ACYP2: variants seen among roughly 807,000 people sequenced by gnomAD.
The protein encoded by ACYP2 is acylphosphatase 2.
A neutral mutation model predicts 11.2 loss-of-function variants in ACYP2; 12 were observed. That is an observed-to-expected ratio of 1.08 (90% CI 0.69 to 1.74). The LOEUF (loss-of-function observed/expected upper bound fraction) is 1.74. ACYP2 is among the 40% of genes most tolerant of loss of function. The pLI, the probability that ACYP2 is intolerant of heterozygous loss-of-function variation, is 0.00. For synonymous variants in ACYP2, 43 were observed against 32.2 expected (o/e 1.33, Z -1.13); for missense variants, 134 against 101.9 (o/e 1.31, Z -1.35).
At chr2:54,138,510 A>AT (rs1384599466) in intron 5 of ACYP2, 129 bp from the exon 3 acceptor site, 2 of 633,520 alleles carry the variant, frequency 3.2e-6, no homozygotes, top group African/African-American at 3.7e-5. Flanking sequence ...TAGGTCATCT[A>AT]TACAATTGTT....
At chr2:54,219,631 G>GT (rs1490794193) in intron 6 of ACYP2, among the ~76,000 whole-genome samples, 1 of 151,472 alleles carries the variant, frequency 6.6e-6, no homozygotes, top group Admixed American at 6.6e-5. Flanking sequence ...TTTTTGTTTT[G>GT]TTTTTGAGAC....
intron 6 of ACYP2, among the ~76,000 whole-genome samples, chr2:54,272,496 T>C (rs1558659910): frequency 6.6e-6 from 1 of 152,228 alleles, no homozygotes; most frequent in Non-Finnish European, 1.5e-5. Flanking sequence ...AGGTAGTCTA[T>C]GTTCTTGTTT....
intron 6 of ACYP2, among the ~76,000 whole-genome samples, chr2:54,169,743 A>G (rs770325267): frequency 4.6e-5 from 7 of 152,164 alleles, no homozygotes; most frequent in Non-Finnish European, 7.3e-5. Flanking sequence ...TTTATTTTTC[A>G]ATAATTCTAA....
intron 5 of ACYP2, among the ~76,000 whole-genome samples, chr2:54,137,975 C>G (rs1436773104): frequency 6.6e-6 from 1 of 152,140 alleles, no homozygotes; most frequent in Non-Finnish European, 1.5e-5. Flanking sequence ...AATCGCCATT[C>G]TGACTGGTGT....
In ACYP2 at chr2:53,994,034, A is replaced by T. The variant is rs561830527; in HGVS notation, c.62+20224A>T. On this transcript the variant is annotated intron_variant, in intron 2 of 6. Transcript: ENST00000607452. ...CCCCGTCTCTACTAAAAATCGTACA[A>T]AATATTAGCCAGGCGGCTGGGCGTA... Among the ~76,000 whole-genome samples, 45 of 151,990 alleles carry T rather than the reference A, an allele frequency of 3.0e-4. 3 individuals are homozygous for T. In the South Asian group the frequency reaches 8.9e-3, roughly 30 times the overall value.
chr2:53,980,036 A>G (rs1299308901), intron 2 of ACYP2, among the ~76,000 whole-genome samples: 1 of 152,094 alleles, frequency 6.6e-6, no homozygotes, highest in East Asian at 1.9e-4. Context: ...CAAAAGAGTC[A>G]AAAAGTTAAA....
At chr2:54,219,541 AT>A (rs1223023774) in intron 6 of ACYP2, among the ~76,000 whole-genome samples, 1 of 152,176 alleles carries the variant, frequency 6.6e-6, no homozygotes, top group Non-Finnish European at 1.5e-5. Flanking sequence ...GTTTAAAAGA[AT>A]CATTCACAGA....
At chr2:54,003,321 G>T (rs573796924) in intron 2 of ACYP2, among the ~76,000 whole-genome samples, 1 of 151,620 alleles carries the variant, frequency 6.6e-6, no homozygotes, top group Admixed American at 6.6e-5. Context: ...GTGCAATGGC[G>T]TGATCTTGGC....
At chr2:54,008,615 C>G (rs1221729293) in intron 2 of ACYP2, among the ~76,000 whole-genome samples, 4 of 152,184 alleles carry the variant, frequency 2.6e-5, no homozygotes, top group Non-Finnish European at 4.4e-5. Context: ...CCACCTCAGA[C>G]TCCCAAGTAG....
chr2:54,088,746 A>G (rs2103677399), intron 4 of ACYP2, among the ~76,000 whole-genome samples: 1 of 152,320 alleles, frequency 6.6e-6, no homozygotes, highest in Admixed American at 6.5e-5. Flanking sequence ...CCTATTAATT[A>G]AGATTAAGCT....
At chr2:54,034,407 T>C (rs914413471) in intron 2 of ACYP2, among the ~76,000 whole-genome samples, 1 of 152,214 alleles carries the variant, frequency 6.6e-6, no homozygotes, top group African/African-American at 2.4e-5. Flanking sequence ...GTACCTTTTC[T>C]GTGTTTAGAT....
intron 6 of ACYP2, among the ~76,000 whole-genome samples, chr2:54,294,849 G>C (rs1689455808): frequency 6.6e-6 from 1 of 151,864 alleles, no homozygotes; most frequent in Non-Finnish European, 1.5e-5. Context: ...CCAGGAGGTT[G>C]AGGCCACAGT....
chr2:54,020,419 G>A (rs1192048193), intron 2 of ACYP2, among the ~76,000 whole-genome samples: 2 of 152,134 alleles, frequency 1.3e-5, no homozygotes, highest in Non-Finnish European at 2.9e-5. Context: ...ATAAAACAGT[G>A]GGTCAAATGT....
chr2:54,227,554 C>T (rs1022658576), intron 6 of ACYP2, among the ~76,000 whole-genome samples: 2 of 151,788 alleles, frequency 1.3e-5, no homozygotes, highest in East Asian at 1.9e-4. Flanking sequence ...GCAGAGGAAT[C>T]GCTTGAACCT....
At chr2:54,190,978 C>T (rs1018761539) in intron 6 of ACYP2, among the ~76,000 whole-genome samples, 1 of 152,154 alleles carries the variant, frequency 6.6e-6, no homozygotes, top group Admixed American at 6.6e-5. Context: ...TCTTTCTCTT[C>T]CATCTCTCAG....
At chr2:54,075,798 A>G (rs1207130902) in intron 4 of ACYP2, among the ~76,000 whole-genome samples, 2 of 151,938 alleles carry the variant, frequency 1.3e-5, no homozygotes, top group African/African-American at 2.4e-5. Flanking sequence ...GGGCGATAGA[A>G]CAAGACTCCA....
intron 6 of ACYP2, among the ~76,000 whole-genome samples, chr2:54,269,381 A>G (rs566614838): frequency 6.6e-6 from 1 of 152,352 alleles, no homozygotes; most frequent in South Asian, 2.1e-4. Flanking sequence ...TTAAAAGATG[A>G]AGACCTTTAT....
intron 6 of ACYP2, among the ~76,000 whole-genome samples, chr2:54,278,663 C>G (rs1688719852): frequency 6.6e-6 from 1 of 152,174 alleles, no homozygotes; most frequent in African/African-American, 2.4e-5. Context: ...AGCTTACATG[C>G]ATAACAGCAT....
At chr2:54,089,708 C>T (rs1287934003) in intron 4 of ACYP2, among the ~76,000 whole-genome samples, 1 of 152,152 alleles carries the variant, frequency 6.6e-6, no homozygotes, top group Non-Finnish European at 1.5e-5. Flanking sequence ...CCACTGCACT[C>T]CAGCCTGGGC....
Sources: allele counts gnomAD v4.1 joint callset (sites outside exome capture counted in the v4.1 genomes callset), GRCh38; gene constraint gnomAD v4.1.1; transcripts MANE v1.5; gene names NCBI Gene and HGNC (gene_info 2026-07-23, HGNC 2026-07-21).